Variants in LAMC1 observed in about 807,000 individuals in gnomAD.
LAMC1 encodes laminin subunit gamma-1.
LAMC1 carries 38 observed loss-of-function variants against 173.6 expected under a neutral mutation model. The ratio of observed to expected loss-of-function variants is 0.22; its 90% confidence interval spans 0.17 to 0.29. The LOEUF (loss-of-function observed/expected upper bound fraction) is 0.29. LAMC1 is among the 10% of genes least tolerant of loss of function. The pLI, the probability that LAMC1 is intolerant of heterozygous loss-of-function variation, is 1.00. For missense variants in LAMC1, 1,824 were observed against 2,051.8 expected, an observed-to-expected ratio of 0.89 and a Z score of 2.14; for synonymous variants, 746 against 749.1, an observed-to-expected ratio of 1.00 and a Z score of 0.07.
intron 1 of LAMC1, among the ~76,000 whole-genome samples, chr1:183,045,864 A>G (rs1371536053): frequency 2.6e-5 from 4 of 152,142 alleles, no homozygotes; most frequent in South Asian, 4.2e-4. Flanking sequence ...ATTGTATCTT[A>G]GTGGTTTTAT....
chr1:183,114,467 A>C, intron 4 of LAMC1, 64 bp from the exon 5 acceptor site: 1 of 1,507,906 alleles, frequency 6.6e-7, no homozygotes, highest in East Asian at 2.3e-5. Flanking sequence ...TTTGGTTTTA[A>C]GTCTTAAAAT....
chr1:183,122,353 T>G, intron 13 of LAMC1, 102 bp downstream of exon 13: 1 of 1,101,486 alleles, frequency 9.1e-7, no homozygotes, highest in Non-Finnish European at 1.3e-6. Flanking sequence ...TTGGTTCAGT[T>G]TCAGTGGTTA....
intron 1 of LAMC1, among the ~76,000 whole-genome samples, chr1:183,029,269 C>T (rs1489135419): frequency 3.3e-5 from 5 of 152,186 alleles, no homozygotes; most frequent in South Asian, 2.1e-4. Context: ...TCTTTCTCTC[C>T]GTCCTCTTTG....
chr1:183,032,049 G>A (rs1653862830), intron 1 of LAMC1, among the ~76,000 whole-genome samples: 1 of 152,148 alleles, frequency 6.6e-6, no homozygotes, highest in East Asian at 1.9e-4. Context: ...CTTGCTAATG[G>A]GGTTACCAGA....
At chr1:183,045,497 G>T (rs1558031430) in intron 1 of LAMC1, among the ~76,000 whole-genome samples, 1 of 152,118 alleles carries the variant, frequency 6.6e-6, no homozygotes. Context: ...AAAAAGTTCA[G>T]TATATTTTTG....
intron 1 of LAMC1, among the ~76,000 whole-genome samples, chr1:183,053,259 A>G (rs1264769238): frequency 1.3e-5 from 2 of 152,244 alleles, no homozygotes; most frequent in South Asian, 2.1e-4. Flanking sequence ...TATAGCCATT[A>G]TAAGAAATAT....
At chr1:183,077,395 A>G (rs548182763) in intron 1 of LAMC1, among the ~76,000 whole-genome samples, 1 of 152,226 alleles carries the variant, frequency 6.6e-6, no homozygotes, top group South Asian at 2.1e-4. Flanking sequence ...TCTGATGACT[A>G]GCTCTTTTTC....
chr1:183,122,614 G>A (rs768356808), intron 13 of LAMC1, among the ~76,000 whole-genome samples: 3 of 152,092 alleles, frequency 2.0e-5, no homozygotes, highest in Non-Finnish European at 4.4e-5. Flanking sequence ...TTGGATGGTG[G>A]GCTAGAAGCC....
At chr1:183,113,517 A>G (rs1656226077) in intron 4 of LAMC1, among the ~76,000 whole-genome samples, 1 of 152,312 alleles carries the variant, frequency 6.6e-6, no homozygotes, top group East Asian at 1.9e-4. Flanking sequence ...AAATCTTTTT[A>G]TTATAAATAT....
chr1:183,054,886 C>CA (rs1355917218), intron 1 of LAMC1, among the ~76,000 whole-genome samples: 1 of 152,124 alleles, frequency 6.6e-6, no homozygotes, highest in Non-Finnish European at 1.5e-5. Context: ...GCCAGGAAGC[C>CA]AGTGGTTCCT....
intron 1 of LAMC1, among the ~76,000 whole-genome samples, chr1:183,066,397 T>C (rs1377701923): frequency 6.6e-6 from 1 of 152,168 alleles, no homozygotes; most frequent in African/African-American, 2.4e-5. Context: ...GACAGTGTGG[T>C]GATTCCTCAA....
chr1:183,083,374 G>C (rs569090783), intron 1 of LAMC1, among the ~76,000 whole-genome samples: 1 of 152,276 alleles, frequency 6.6e-6, no homozygotes, highest in South Asian at 2.1e-4. Flanking sequence ...TGTAGCTAAT[G>C]TCCAGAAACA....
At chr1:183,122,363 A>T in intron 13 of LAMC1, 112 bp downstream of exon 13, 1 of 996,746 alleles carries the variant, frequency 1.0e-6, no homozygotes, top group Non-Finnish European at 1.5e-6. Flanking sequence ...TTCAGTGGTT[A>T]TGGTTTTCCT....
rs190488965 is a variant in LAMC1, at chr1:183,092,803, C to G, written c.419-10525C>G. Among the ~76,000 whole-genome samples, 72 of 152,226 alleles carry G rather than the reference C, an allele frequency of 4.7e-4. 1 individual carries two copies. Among genetic ancestry groups the G allele is most frequent in the Non-Finnish European group, 7.6e-4 (52 of 68,000 alleles). On this transcript the variant is annotated intron_variant, in intron 1 of 27. Coordinates refer to ENST00000258341, the MANE Select transcript of LAMC1 (RefSeq NM_002293.4). The stretch of plus-strand genomic sequence containing the variant: ...AAAGGGGCTCTCTTTCTCCACATCT[C>G]TTAGACCCACTCCAATCCACTCCAA...
chr1:183,086,934 C>G (rs1420309121), intron 1 of LAMC1, among the ~76,000 whole-genome samples: 1 of 152,158 alleles, frequency 6.6e-6, no homozygotes, highest in Non-Finnish European at 1.5e-5. Flanking sequence ...TTTCAGAAAT[C>G]TAACAGATAA....
intron 1 of LAMC1, among the ~76,000 whole-genome samples, chr1:183,065,336 A>G (rs1005323164): frequency 2.0e-5 from 3 of 152,208 alleles, no homozygotes; most frequent in African/African-American, 4.8e-5. Context: ...ATGTGATTGT[A>G]GGGGCTGGCA....
rs1656986831 is a variant in LAMC1, at chr1:183,137,723, C to G, written c.4369C>G (p.Leu1457Val). 2 of 1,608,230 alleles carry G rather than the reference C, an allele frequency of 1.2e-6. No individual in the cohort carries two copies. The highest frequency in any genetic ancestry group is 1.7e-6 in the Non-Finnish European group (2 of 1,177,004). ...AAGAACTTTTGCAGAAGTTACAGAT[C>G]TGGATAATGAGGTGAACAATATGTT... ...AERTFAEVTDLDNEVNNMLKQ... is the reference protein window; with the variant it reads ...AERTFAEVTDVDNEVNNMLKQ... The change falls in exon 26 of 28, where the codon CTG (leucine) becomes GTG (valine). Residue 1457 changes from leucine to valine, a missense_variant. Physicochemically the swap from Leu to Val is conservative, Grantham distance 32. Coordinates refer to ENST00000258341, the MANE Select transcript of LAMC1 (RefSeq NM_002293.4).
At position 183,137,662 on chromosome 1, in the gene LAMC1, T is replaced by C. The variant is rs1656984990; in HGVS notation, c.4315-7T>C. ...TTAAAAAAAGTACAATTTTCTTTTG[T>C]GCCTAGAATGCCACCAGCACCAAGG... On this transcript the variant is annotated splice_polypyrimidine_tract_variant and splice_region_variant and intron_variant, in intron 25 of 27. Transcript: ENST00000258341. 6.5e-7 allele frequency: 1 copy of C among 1,540,306 alleles called. No homozygotes were observed. The highest frequency in any genetic ancestry group is 1.3e-5 in the South Asian group (1 of 76,636).
rs763702138 is a variant in LAMC1, at chr1:183,127,196, AT to A, written c.2945-28del. ...AGATATACTCTTCCTTCTTTTGCTA[AT>A]TATGTATTATTTTCTCCTTATTCTG... On this transcript the variant is annotated intron_variant, in intron 16 of 27. Transcript: ENST00000258341. 1.3e-4 allele frequency: 207 copies of A among 1,600,424 alleles called. No homozygotes were observed. In the East Asian group the frequency reaches 3.6e-3, roughly 27 times the overall value.
Sources: allele counts gnomAD v4.1 joint callset (sites outside exome capture counted in the v4.1 genomes callset), GRCh38; gene constraint gnomAD v4.1.1; transcripts MANE v1.5; gene names NCBI Gene and HGNC (gene_info 2026-07-23, HGNC 2026-07-21).